The following NDST4 variants were observed in gnomAD, a reference collection of about 807,000 sequenced individuals.
The protein encoded by NDST4 is N-heparan sulfate sulfotransferase 4.
In NDST4, 63 loss-of-function variants were observed where a neutral mutation model predicts 100.8. The observed-to-expected ratio is 0.62, with a 90% CI of 0.51 to 0.77. The LOEUF (loss-of-function observed/expected upper bound fraction) is 0.77. Among genes scored for constraint, NDST4 ranks in the 30% least tolerant of loss-of-function variants. The pLI, the probability that NDST4 is intolerant of heterozygous loss-of-function variation, is 0.00. For missense variants in NDST4, 943 were observed against 1,018.4 expected, an observed-to-expected ratio of 0.93 and a Z score of 1.01; for synonymous variants, 377 against 361.8, an observed-to-expected ratio of 1.04 and a Z score of -0.48.
chr4:115,038,623 C>T (rs1728284029), intron 2 of NDST4, among the ~76,000 whole-genome samples: 1 of 152,140 alleles, frequency 6.6e-6, no homozygotes, highest in Admixed American at 6.6e-5. Flanking sequence ...AAGTAAAGGA[C>T]ATGTAATTAA....
At chr4:115,024,986 T>C (rs536419695) in intron 2 of NDST4, among the ~76,000 whole-genome samples, 2 of 152,318 alleles carry the variant, frequency 1.3e-5, no homozygotes, top group East Asian at 3.9e-4. Context: ...GGAATTCACT[T>C]GCTCTTCTGC....
chr4:114,968,357 C>A (rs1483675768), intron 4 of NDST4, among the ~76,000 whole-genome samples: 3 of 152,118 alleles, frequency 2.0e-5, no homozygotes, highest in Non-Finnish European at 4.4e-5. Flanking sequence ...TTCACAAACC[C>A]TTTGTGATTG....
At chr4:115,080,585 AATTAT>A (rs1467684046) in intron 1 of NDST4, among the ~76,000 whole-genome samples, 1 of 152,146 alleles carries the variant, frequency 6.6e-6, no homozygotes, top group Non-Finnish European at 1.5e-5. Context: ...TATATAAAGC[AATTAT>A]ATTATATCCT....
At chr4:115,048,376 T>C (rs534078517) in intron 2 of NDST4, among the ~76,000 whole-genome samples, 20 of 152,274 alleles carry the variant, frequency 1.3e-4, no homozygotes, top group Middle Eastern at 3.4e-3. Flanking sequence ...TATGTCAAAT[T>C]CATTCATGAA....
At chr4:115,024,309 A>G (rs1457719718) in intron 2 of NDST4, among the ~76,000 whole-genome samples, 2 of 152,184 alleles carry the variant, frequency 1.3e-5, no homozygotes, top group Admixed American at 6.5e-5. Flanking sequence ...AAAGCTGCAG[A>G]CAGGAAACTC....
intron 2 of NDST4, among the ~76,000 whole-genome samples, chr4:115,003,798 G>A (rs1727351565): frequency 6.6e-6 from 1 of 151,968 alleles, no homozygotes; most frequent in Non-Finnish European, 1.5e-5. Context: ...AACCCGGGAG[G>A]TGGAGGTTGT....
chr4:114,902,245 T>C (rs1724857285), intron 6 of NDST4, among the ~76,000 whole-genome samples: 1 of 152,054 alleles, frequency 6.6e-6, no homozygotes, highest in Non-Finnish European at 1.5e-5. Context: ...AAAAAAATTT[T>C]TTCGCACATG....
At chr4:114,868,829 G>A (rs1724086516) in intron 7 of NDST4, among the ~76,000 whole-genome samples, 1 of 151,302 alleles carries the variant, frequency 6.6e-6, no homozygotes, top group East Asian at 1.9e-4. Flanking sequence ...CAGCAATGAT[G>A]AAAATTTGTA....
At chr4:114,922,914 C>T (rs933489291) in intron 6 of NDST4, among the ~76,000 whole-genome samples, 2 of 152,178 alleles carry the variant, frequency 1.3e-5, no homozygotes, top group African/African-American at 2.4e-5. Flanking sequence ...GCATATGACT[C>T]TATTTGTGTA....
At chr4:114,911,728 A>C (rs991502349) in intron 6 of NDST4, among the ~76,000 whole-genome samples, 1 of 152,302 alleles carries the variant, frequency 6.6e-6, no homozygotes, top group African/African-American at 2.4e-5. Flanking sequence ...TTCCTTTAAA[A>C]CCTCAAAATA....
rs1382921626 is a variant in NDST4, at chr4:114,848,285, G to A, written c.1870C>T (p.Leu624Phe). Residue 624 changes from leucine to phenylalanine, a missense_variant, in exon 9 of 14, where the codon CTC (leucine) becomes TTC (phenylalanine). Leu to Phe is a conservative substitution (Grantham distance 22). This residue lies in a region of NDST4 where 526 missense variants were observed against 634.1 expected (regional missense o/e 0.83). Transcript: ENST00000264363. ...LLMHPSIISN[L>F]PSPKTFEEVQ... ...TCCTCAAATGTCTTTGGACTAGGGA[G>A]ATTGCTGATGATTGAAGGATGCATA... 11 of 1,607,908 alleles carry A rather than the reference G, an allele frequency of 6.8e-6. No homozygotes were observed. Among genetic ancestry groups the A allele is most frequent in the Non-Finnish European group, 9.4e-6 (11 of 1,176,356 alleles).
chr4:114,846,613 C>T (rs1723554603), intron 9 of NDST4, among the ~76,000 whole-genome samples: 1 of 152,146 alleles, frequency 6.6e-6, no homozygotes. Context: ...GTTCCCTCCT[C>T]CATATGCTGT....
At chr4:115,071,775 CA>C (rs1479454694) in intron 2 of NDST4, among the ~76,000 whole-genome samples, 2 of 151,712 alleles carry the variant, frequency 1.3e-5, no homozygotes, top group African/African-American at 4.8e-5. Flanking sequence ...ATGAGACTGT[CA>C]AAACTTTTTG....
At chr4:114,914,321 GTATAGTTGGATTGCT>G (rs1185900499) in intron 6 of NDST4, among the ~76,000 whole-genome samples, 1 of 152,146 alleles carries the variant, frequency 6.6e-6, no homozygotes, top group Non-Finnish European at 1.5e-5. Context: ...AGCTAAAAGA[GTATAGTTGGATTGCT>G]TGTAACACAG....
intron 2 of NDST4, among the ~76,000 whole-genome samples, chr4:114,992,545 G>GT (rs758350450): frequency 3.8e-3 from 527 of 137,146 alleles, no homozygotes; most frequent in Middle Eastern, 7.2e-3. Context: ...TTATAGGAAG[G>GT]TTTTTTTTTT....
intron 2 of NDST4, among the ~76,000 whole-genome samples, chr4:114,997,355 C>A (rs1160900123): frequency 6.6e-6 from 1 of 151,794 alleles, no homozygotes; most frequent in African/African-American, 2.4e-5. Flanking sequence ...GAGAAAAAAA[C>A]AAAAAGAGTT....
At chr4:114,950,325 T>C (rs902055943) in intron 4 of NDST4, among the ~76,000 whole-genome samples, 1 of 152,088 alleles carries the variant, frequency 6.6e-6, no homozygotes, top group African/African-American at 2.4e-5. Flanking sequence ...TTATTGTCCA[T>C]AAATTTCATA....
rs76015680 is a variant in NDST4 at position 115,022,419 on chromosome 4, C to CATATATATATGTGTTCCAT, written c.979-45146_979-45145insATGGAACACATATATATAT. 3.5e-3 allele frequency among the ~76,000 whole-genome samples: 55 copies of CATATATATATGTGTTCCAT among 15,622 alleles called. 2 individuals are homozygous for CATATATATATGTGTTCCAT. The South Asian group carries it at 0.042, about 12-fold the overall frequency. The allele number at this position is 15,622 out of a possible 152,430, so 10.2% of individuals were successfully genotyped here. On this transcript the variant is annotated intron_variant, in intron 2 of 13. Transcript: ENST00000264363. ...ATATGTGTTCCATATATATGTGTTC[C>CATATATATATGTGTTCCAT]ATATATATGTGTTCCATATATATGT... is the stretch of plus-strand genomic sequence containing the variant.
intron 4 of NDST4, among the ~76,000 whole-genome samples, chr4:114,937,984 G>A (rs970669522): frequency 2.6e-5 from 4 of 152,076 alleles, no homozygotes; most frequent in Non-Finnish European, 4.4e-5. Flanking sequence ...GAATTAATTC[G>A]ATTTCAACAA....
Sources: allele counts gnomAD v4.1 joint callset (sites outside exome capture counted in the v4.1 genomes callset), GRCh38; gene constraint gnomAD v4.1.1; regional missense constraint gnomAD v4.1.1; transcripts MANE v1.5; gene names NCBI Gene and HGNC (gene_info 2026-07-23, HGNC 2026-07-21).